The following DNAH3 variants were observed in gnomAD, a reference collection of about 807,000 sequenced individuals.
DNAH3 encodes dynein axonemal heavy chain 3.
A neutral mutation model predicts 432.5 loss-of-function variants in DNAH3; 332 were observed. The ratio of observed to expected loss-of-function variants is 0.77; its 90% CI spans 0.70 to 0.84. DNAH3 has a LOEUF of 0.84. Ranked by LOEUF, DNAH3 falls within the 40% of genes least tolerant of loss-of-function variation. The probability of loss-of-function intolerance (pLI) is 0.00; values close to 1 mark genes in which losing one functional copy is unlikely to be tolerated. For missense variants in DNAH3, 4,861 were observed against 5,114.0 expected, an observed-to-expected ratio of 0.95 and a Z score of 1.51; for synonymous variants, 1,956 against 1,900.2, an observed-to-expected ratio of 1.03 and a Z score of -0.76.
At chr16:21,150,522 G>A (rs951223743) in intron 1 of DNAH3, 4 of 237,968 alleles carry the variant, frequency 1.7e-5, no homozygotes, top group Non-Finnish European at 3.4e-5. Context: ...ACTTTGGCCC[G>A]CTGAGGAGTT....
chr16:21,004,694 T>G (rs2087193820), intron 41 of DNAH3, among the ~76,000 whole-genome samples: 1 of 151,730 alleles, frequency 6.6e-6, no homozygotes, highest in Non-Finnish European at 1.5e-5. Flanking sequence ...TTTCCTTCCC[T>G]TTCTCTCCCT....
At chr16:21,156,449 C>A (rs2092897994) in intron 1 of DNAH3, among the ~76,000 whole-genome samples, 2 of 151,988 alleles carry the variant, frequency 1.3e-5, no homozygotes, top group African/African-American at 2.4e-5. Context: ...CCAGGCTGGT[C>A]TCGAACTCCT....
chr16:21,127,396 C>CA (rs11342012), intron 8 of DNAH3, among the ~76,000 whole-genome samples: 729 of 136,564 alleles, frequency 5.3e-3, no homozygotes, highest in African/African-American at 0.013. Flanking sequence ...ACTAATAATA[C>CA]AAAAAAAAAA....
At position 21,070,640 on chromosome 16, in the gene DNAH3, C is replaced by G. The variant is rs974584308; in HGVS notation, c.3201+70G>C. 4 of 945,740 alleles carry G rather than the reference C, an allele frequency of 4.2e-6. No individual in the cohort carries two copies. The African/African-American group carries it at 6.5e-5, about 15-fold the overall frequency. The allele number at this position is 945,740 out of a possible 1,614,324, so 58.6% of individuals were successfully genotyped here. A position where few individuals can be genotyped will look rare whatever the true frequency, so the allele number is the denominator to read the frequency against. The stretch of plus-strand genomic sequence containing the variant: ...TTTCTTTGTTAACTGAACGTGAAAA[C>G]CTTTCCCCTCCTCTGAGAAACCCAG... On this transcript the variant is annotated intron_variant, in intron 22 of 61. Transcript: ENST00000261383.
chr16:20,954,815 AG>A lies in DNAH3; in HGVS notation c.11068del (p.Leu3690Ter). ...TCAGGTGCACTGTCATCGCTTACCT[AG>A]GGGGCCGAAGTTTCTTCTCTCTTGA... On this transcript the variant is annotated frameshift_variant, in exon 55 of 62. Transcript: ENST00000261383. LOFTEE classifies it high-confidence loss of function. 3 of 1,613,908 alleles carry A rather than the reference AG, an allele frequency of 1.9e-6. No homozygotes were observed. In the South Asian group the frequency reaches 3.3e-5, roughly 18 times the overall value.
chr16:21,152,623 TGCGCACGGCGCTTGCGGGCCA>T (rs1315673401), intron 1 of DNAH3, among the ~76,000 whole-genome samples: 1 of 152,238 alleles, frequency 6.6e-6, no homozygotes, highest in African/African-American at 2.4e-5. Flanking sequence ...GAACCCGGGC[TGCGCACGGCGCTTGCGGGCCA>T]GCTGGAGTTC....
At chr16:20,972,425 G>A (rs1171412933) in intron 51 of DNAH3, among the ~76,000 whole-genome samples, 1 of 151,912 alleles carries the variant, frequency 6.6e-6, no homozygotes, top group African/African-American at 2.4e-5. Context: ...GCAGAGAAGA[G>A]TTTTCACTAT....
In DNAH3 at chr16:21,046,132, T is replaced by C. The variant is rs1407949092; in HGVS notation, c.4461+3437A>G. 1.1e-4 allele frequency among the ~76,000 whole-genome samples: 16 copies of C among 143,162 alleles called. No homozygotes were observed. The East Asian group carries it at 3.3e-3, about 29-fold the overall frequency. 93.9% of individuals were successfully genotyped at this position (143,162 alleles called of 152,430 possible). On this transcript the variant is annotated intron_variant, in intron 31 of 61. Transcript: ENST00000261383. ...TTTTGGAATAGGTGTGGTGTGGTGCTGAAAAAAATGTATATTCTGTTGATT... is the reference window on the plus strand; with the variant it reads ...TTTTGGAATAGGTGTGGTGTGGTGCCGAAAAAAATGTATATTCTGTTGATT...
intron 44 of DNAH3, among the ~76,000 whole-genome samples, chr16:20,988,729 C>A (rs1306058587): frequency 1.3e-5 from 2 of 152,250 alleles, no homozygotes; most frequent in Non-Finnish European, 2.9e-5. Context: ...TTCTTAGTCT[C>A]ACTGACTTCA....
intron 17 of DNAH3, among the ~76,000 whole-genome samples, chr16:21,097,949 A>G (rs2091731702): frequency 6.6e-6 from 1 of 152,224 alleles, no homozygotes; most frequent in Non-Finnish European, 1.5e-5. Flanking sequence ...ATAAGTGAGG[A>G]TAATAACAGT....
chr16:21,060,512 T>C (rs1325932245), intron 25 of DNAH3, among the ~76,000 whole-genome samples, 156 bp from the exon 26 acceptor site: 1 of 138,810 alleles, frequency 7.2e-6, no homozygotes, highest in African/African-American at 2.7e-5. Context: ...CGTTCTTTTT[T>C]TCTTTTTTTT....
intron 43 of DNAH3, among the ~76,000 whole-genome samples, chr16:20,998,274 T>C (rs1157981804): frequency 6.6e-6 from 1 of 152,104 alleles, no homozygotes; most frequent in Non-Finnish European, 1.5e-5. Flanking sequence ...TTTTTGTTTT[T>C]GAGACAGTCT....
chr16:21,035,398 T>C (rs780275233), intron 35 of DNAH3, among the ~76,000 whole-genome samples: 13 of 152,122 alleles, frequency 8.5e-5, no homozygotes, highest in Non-Finnish European at 1.6e-4. Context: ...CATTGAGACA[T>C]CAATAAGTAA....
At chr16:21,117,295 G>A in exon 12 of DNAH3, 1 of 1,611,320 alleles carries the variant, frequency 6.2e-7, no homozygotes, top group Non-Finnish European at 8.5e-7. Context: ...CAGTTCCAAG[G>A]AGCAGATTAT....
chr16:21,072,730 C>CA (rs1222616242), intron 21 of DNAH3, among the ~76,000 whole-genome samples: 1 of 152,032 alleles, frequency 6.6e-6, no homozygotes, highest in Non-Finnish European at 1.5e-5. Context: ...ACTGCAGCCT[C>CA]AAATTCCTGG....
intron 27 of DNAH3, among the ~76,000 whole-genome samples, chr16:21,054,789 T>C (rs1043250476): frequency 2.6e-5 from 4 of 152,112 alleles, no homozygotes; most frequent in African/African-American, 9.7e-5. Flanking sequence ...AAGGCAAAAT[T>C]ATAGGAGTGA....
At chr16:21,106,510 A>G (rs1424120643) in exon 15 of DNAH3, 3 of 1,607,978 alleles carry the variant, frequency 1.9e-6, no homozygotes, top group Non-Finnish European at 8.5e-7. Context: ...TGCATAGTCC[A>G]TCAGGAACTC....
At chr16:21,144,269 A>T (rs2092754985) in intron 3 of DNAH3, among the ~76,000 whole-genome samples, 1 of 152,168 alleles carries the variant, frequency 6.6e-6, no homozygotes, top group Admixed American at 6.5e-5. Context: ...AAAAGTGACA[A>T]GATGTCACTT....
chr16:20,980,983 A>G (rs1462081985), intron 49 of DNAH3, among the ~76,000 whole-genome samples: 1 of 152,238 alleles, frequency 6.6e-6, no homozygotes, highest in African/African-American at 2.4e-5. Context: ...GCATTCCAAT[A>G]AAACTTTATT....
Sources: allele counts gnomAD v4.1 joint callset (sites outside exome capture counted in the v4.1 genomes callset), GRCh38; gene constraint gnomAD v4.1.1; transcripts MANE v1.5; gene names NCBI Gene and HGNC (gene_info 2026-07-23, HGNC 2026-07-21).